Variants in THSD4 observed in about 807,000 individuals in gnomAD.
THSD4 encodes thrombospondin type-1 domain-containing protein 4.
THSD4 carries 69 observed loss-of-function variants against 119.0 expected under a neutral mutation model. The observed-to-expected ratio is 0.58, with a 90% confidence interval of 0.48 to 0.71. The LOEUF is 0.71. Ranked by LOEUF, THSD4 falls within the 30% of genes least tolerant of loss-of-function variation. The probability of loss-of-function intolerance (pLI) is 0.00; values close to 1 mark genes in which losing one functional copy is unlikely to be tolerated. For synonymous variants in THSD4, 524 were observed against 540.4 expected, an observed-to-expected ratio of 0.97 and a Z score of 0.42; for missense variants, 1,393 against 1,391.1, an observed-to-expected ratio of 1.00 and a Z score of -0.02.
At chr15:71,106,646 A>G (rs182534311) in intron 1 of THSD4, among the ~76,000 whole-genome samples, 73 of 152,232 alleles carry the variant, frequency 4.8e-4, no homozygotes, top group Middle Eastern at 3.4e-3. Flanking sequence ...ATCATACTTT[A>G]TTGTATCAAC....
chr15:71,204,209 A>T (rs1285872973), intron 3 of THSD4, among the ~76,000 whole-genome samples: 2 of 152,246 alleles, frequency 1.3e-5, no homozygotes, highest in African/African-American at 4.8e-5. Flanking sequence ...GTTATAACGA[A>T]GTACAGTTTC....
chr15:71,578,844 C>CT (rs373480493), intron 7 of THSD4, among the ~76,000 whole-genome samples: 84,999 of 131,984 alleles, frequency 0.64, 29,924 homozygotes, highest in Non-Finnish European at 0.78. Context: ...ACTGCATTAA[C>CT]TTTTTTTTTT....
chr15:71,326,700 A>AAT (rs71154759), intron 6 of THSD4, among the ~76,000 whole-genome samples: 140 of 6,448 alleles, frequency 0.022, 11 homozygotes, highest in East Asian at 0.041. Context: ...AAAAAAAAAA[A>AAT]ATATATATAT....
intron 7 of THSD4, among the ~76,000 whole-genome samples, chr15:71,448,601 A>T (rs984723436): frequency 1.3e-5 from 2 of 152,232 alleles, no homozygotes; most frequent in East Asian, 3.8e-4. Context: ...ATTATGGGGT[A>T]CATGAGATGT....
At chr15:71,723,895 C>A (rs918470038) in intron 8 of THSD4, among the ~76,000 whole-genome samples, 6 of 151,730 alleles carry the variant, frequency 4.0e-5, no homozygotes, top group Non-Finnish European at 7.4e-5. Flanking sequence ...ATGGTGAAAC[C>A]CCCATCTCTA....
intron 4 of THSD4, among the ~76,000 whole-genome samples, chr15:71,225,548 T>C (rs902974398): frequency 2.5e-5 from 2 of 80,140 alleles, no homozygotes; most frequent in East Asian, 2.5e-4. Context: ...TCTTTTTTTT[T>C]TTCTTTTTTT....
At chr15:71,621,176 G>GA (rs1369526993) in intron 7 of THSD4, among the ~76,000 whole-genome samples, 1 of 152,152 alleles carries the variant, frequency 6.6e-6, no homozygotes, top group Non-Finnish European at 1.5e-5. Flanking sequence ...TGGTAATTTA[G>GA]ATTGCTGTGA....
chr15:71,492,203 G>A (rs949952213), intron 7 of THSD4, among the ~76,000 whole-genome samples: 6 of 151,580 alleles, frequency 4.0e-5, no homozygotes, highest in African/African-American at 1.2e-4. Flanking sequence ...CATAGTGGAT[G>A]GGACACCATT....
chr15:71,246,886 CTTTTT>C (rs67700872), intron 5 of THSD4, among the ~76,000 whole-genome samples: 2 of 114,506 alleles, frequency 1.7e-5, no homozygotes, highest in African/African-American at 6.8e-5. Flanking sequence ...GGTCCAAAGT[CTTTTT>C]TTTTTTTTTT....
intron 6 of THSD4, among the ~76,000 whole-genome samples, chr15:71,262,422 G>A (rs1158378710): frequency 1.3e-5 from 2 of 152,126 alleles, no homozygotes; most frequent in South Asian, 2.1e-4. Context: ...CCATTACACC[G>A]AGCATGGGCA....
At chr15:71,495,001 A>G (rs2047988545) in intron 7 of THSD4, among the ~76,000 whole-genome samples, 1 of 152,204 alleles carries the variant, frequency 6.6e-6, no homozygotes, top group African/African-American at 2.4e-5. Context: ...CTCCCAAAGT[A>G]TTGATACAGC....
chr15:71,720,036 CTT>C lies in THSD4; in HGVS notation c.1358-8498_1358-8497del, dbSNP rs1200407782. ...AATAACATGTGCTTTTTTTTTTTTT[CTT>C]TTTTTTTTTTTTTTGAGACACGGTC... On this transcript the variant is annotated intron_variant, in intron 8 of 17. Coordinates refer to ENST00000261862, the MANE Select transcript of THSD4 (RefSeq NM_024817.3). Among the ~76,000 whole-genome samples, 26 of 101,978 alleles carry C rather than the reference CTT, an allele frequency of 2.5e-4. No homozygotes were observed. The Middle Eastern group carries it at 0.031, about 123-fold the overall frequency. The allele number at this position is 101,978 out of a possible 152,430, so 66.9% of individuals were successfully genotyped here. A position where few individuals can be genotyped will look rare whatever the true frequency, so the allele number is the denominator to read the frequency against.
At chr15:71,727,587 T>TACACACACAC (rs367823728) in intron 8 of THSD4, among the ~76,000 whole-genome samples, 2 of 9,284 alleles carry the variant, frequency 2.2e-4, no homozygotes, top group African/African-American at 5.0e-4. Context: ...TATATATATA[T>TACACACACAC]ACACACACAC....
At position 71,162,204 on chromosome 15, in the gene THSD4, G is replaced by T. The variant is rs1225014883; in HGVS notation, c.99+7272G>T. 2.6e-5 allele frequency among the ~76,000 whole-genome samples: 4 copies of T among 151,916 alleles called. No homozygotes were observed. The East Asian group carries it at 7.7e-4, about 29-fold the overall frequency. The stretch of plus-strand genomic sequence containing the variant: ...ACTAGGGTATTCAGAGTATGACTAT[G>T]GATTTACCCAGACTGGTTTTGTATT... On this transcript the variant is annotated intron_variant, in intron 3 of 17. Transcript: ENST00000261862.
chr15:71,709,341 G>A (rs1401005784), intron 8 of THSD4, among the ~76,000 whole-genome samples: 1 of 152,188 alleles, frequency 6.6e-6, no homozygotes, highest in Non-Finnish European at 1.5e-5. Flanking sequence ...AAAGGGTTTA[G>A]CAGCAGCACC....
At chr15:71,348,831 A>C (rs1159722016) in intron 6 of THSD4, among the ~76,000 whole-genome samples, 1 of 152,244 alleles carries the variant, frequency 6.6e-6, no homozygotes, top group East Asian at 1.9e-4. Flanking sequence ...AAATGTTTTG[A>C]GACAGCAGCA....
In THSD4 at chr15:71,642,529, A is replaced by T. The variant is rs530192643; in HGVS notation, c.1153-18001A>T. 1.3e-5 allele frequency among the ~76,000 whole-genome samples: 2 copies of T among 152,342 alleles called. 1 individual carries two copies. Among genetic ancestry groups the T allele is most frequent in the South Asian group, 4.1e-4 (2 of 4,820 alleles). On this transcript the variant is annotated intron_variant, in intron 7 of 17. Transcript: ENST00000261862. ...TGTTTATTGTGGCTCTATTCACAAT[A>T]GCAAAGACTTGGAACCAACCCAAAT...
chr15:71,684,241 G>A (rs1045198745), intron 8 of THSD4, among the ~76,000 whole-genome samples: 15 of 151,966 alleles, frequency 9.9e-5, no homozygotes, highest in African/African-American at 1.4e-4. Flanking sequence ...TGGTAATTTC[G>A]TTGCGCTTTT....
At chr15:71,414,672 G>T (rs1398933691) in intron 7 of THSD4, among the ~76,000 whole-genome samples, 1 of 152,172 alleles carries the variant, frequency 6.6e-6, no homozygotes, top group African/African-American at 2.4e-5. Context: ...ATTAGCTGAT[G>T]ATATAAAAGA....
Sources: gnomAD v4.1 joint callset for allele counts (sites outside exome capture counted in the v4.1 genomes callset) on GRCh38, gnomAD v4.1.1 for gene constraint, MANE v1.5 for transcripts, NCBI Gene and HGNC (gene_info 2026-07-23, HGNC 2026-07-21) for gene names.